The following CPEB2 variants were observed in gnomAD, a reference collection of about 807,000 sequenced individuals.
The protein encoded by CPEB2 is cytoplasmic polyadenylation element-binding protein 2.
A neutral mutation model predicts 93.6 loss-of-function variants in CPEB2; 56 were observed. That is an observed-to-expected ratio of 0.60 (90% CI 0.48 to 0.75). The LOEUF is 0.75. Ranked by LOEUF, CPEB2 falls within the 30% of genes least tolerant of loss-of-function variation. The probability of loss-of-function intolerance (pLI) is 0.00; values close to 1 mark genes in which losing one functional copy is unlikely to be tolerated. For missense variants in CPEB2, 1,579 were observed against 1,395.1 expected, an observed-to-expected ratio of 1.13 and a Z score of -2.10; for synonymous variants, 764 against 586.3, an observed-to-expected ratio of 1.30 and a Z score of -4.38.
intron 6 of CPEB2, 130 bp from the exon 7 acceptor site, chr4:15,052,284 T>TC (rs1728302393): frequency 8.9e-6 from 5 of 560,362 alleles, no homozygotes; most frequent in Non-Finnish European, 1.5e-5. Context: ...TATTTAAATT[T>TC]CTCTTAATTT....
intron 11 of CPEB2, 88 bp downstream of exon 11, chr4:15,062,348 G>C (rs1729268776): frequency 1.1e-6 from 1 of 911,904 alleles, no homozygotes; most frequent in African/African-American, 1.6e-5. Context: ...AATATAATTT[G>C]AACACTTTAA....
chr4:15,045,234 C>G (rs1727545159), intron 6 of CPEB2, among the ~76,000 whole-genome samples: 1 of 152,084 alleles, frequency 6.6e-6, no homozygotes, highest in African/African-American at 2.4e-5. Flanking sequence ...TCACTCCAGC[C>G]TGGGTTATAA....
At chr4:15,018,971 C>CAG in intron 4 of CPEB2, among the ~76,000 whole-genome samples, 1 of 134,244 alleles carries the variant, frequency 7.4e-6, no homozygotes, top group Non-Finnish European at 1.6e-5. Context: ...TATATATATA[C>CAG]ACACGCACAC....
At chr4:15,029,381 A>C (rs1308473695) in intron 4 of CPEB2, among the ~76,000 whole-genome samples, 1 of 152,084 alleles carries the variant, frequency 6.6e-6, no homozygotes, top group African/African-American at 2.4e-5. Context: ...GAATAAGAAA[A>C]TTTTTAAGAT....
chr4:15,016,867 C>T (rs2108987016), intron 3 of CPEB2, among the ~76,000 whole-genome samples: 1 of 151,990 alleles, frequency 6.6e-6, no homozygotes, highest in South Asian at 2.1e-4. Flanking sequence ...AAAATGCTTT[C>T]TGTGTGTATA....
rs115893002 is a variant in CPEB2 at position 15,017,135 on chromosome 4, C to T, written c.2035-53C>T. 963 of 1,016,932 alleles carry T rather than the reference C, an allele frequency of 9.5e-4. 6 individuals are homozygous for T. The African/African-American group carries it at 0.013, about 14-fold the overall frequency. The allele number at this position is 1,016,932 out of a possible 1,614,324, so 63.0% of individuals were successfully genotyped here. ...GAATTTAGATAGTGTTTTATAATCG[C>T]TTTTTGAAAAAACTGCATAGATTAT... On this transcript the variant is annotated intron_variant, in intron 3 of 11. Transcript: ENST00000538197.
Position 15,040,357 on chromosome 4 carries a change from G to A in CPEB2, c.2177-107G>A, listed in dbSNP as rs187672129. 4.0e-5 allele frequency: 38 copies of A among 945,308 alleles called. No homozygotes were observed. The East Asian group carries it at 9.2e-4, about 23-fold the overall frequency. 58.6% of individuals were successfully genotyped at this position (945,308 alleles called of 1,614,324 possible). The stretch of plus-strand genomic sequence containing the variant: ...TTGTCATTGCTCTTAAAACAAAGTA[G>A]CACTAATTTTCAGATGCCCACATAG... On this transcript the variant is annotated intron_variant, in intron 5 of 11. Coordinates refer to ENST00000538197, the MANE Select transcript of CPEB2 (RefSeq NM_001177382.2).
At chr4:15,058,949 C>A (rs1728953154) in intron 9 of CPEB2, among the ~76,000 whole-genome samples, 1 of 152,176 alleles carries the variant, frequency 6.6e-6, no homozygotes. Context: ...CCATCCTCCA[C>A]CACCTCCATC....
chr4:15,007,305 C>A lies in CPEB2; in HGVS notation c.1663C>A (p.Pro555Thr). 6.8e-7 allele frequency: 1 copy of A among 1,465,640 alleles called. No homozygotes were observed. The highest frequency in any genetic ancestry group is 9.1e-7 in the Non-Finnish European group (1 of 1,099,868). 90.8% of individuals were successfully genotyped at this position (1,465,640 alleles called of 1,614,324 possible). A position where few individuals can be genotyped will look rare whatever the true frequency, so the allele number is the denominator to read the frequency against. The part of the protein sequence containing the change: ...QQRNSYNHHQ[P>T]LLKQSPWSNH... ...ATTTAAATAGCTATGTTTTCCCTAG[C>A]CTCTTCTGAAACAGTCTCCCTGGAG... Residue 555 changes from proline to threonine, a missense_variant and splice_region_variant, in exon 2 of 12, where the codon CCT becomes ACT. Pro to Thr is a conservative substitution (Grantham distance 38). This residue lies in a region of CPEB2 where 1,411 missense variants were observed against 1,056.0 expected (regional missense o/e 1.34). Transcript: ENST00000538197.
chr4:15,033,020 TA>T (rs2109029275), intron 4 of CPEB2, 140 bp from the exon 5 acceptor site: 1 of 571,022 alleles, frequency 1.8e-6, no homozygotes, highest in Non-Finnish European at 3.0e-6. Context: ...TAGTTGAACA[TA>T]AGCTTTTTAG....
intron 6 of CPEB2, among the ~76,000 whole-genome samples, chr4:15,049,555 AATTAAT>A (rs1728027617): frequency 6.6e-6 from 1 of 152,184 alleles, no homozygotes; most frequent in Non-Finnish European, 1.5e-5. Flanking sequence ...AGTTATTCAC[AATTAAT>A]ATTATTTTTA....
chr4:15,036,596 G>A (rs1311282996), intron 5 of CPEB2, among the ~76,000 whole-genome samples: 1 of 152,092 alleles, frequency 6.6e-6, no homozygotes, highest in Non-Finnish European at 1.5e-5. Context: ...TCAAGTATTT[G>A]TATTAATATT....
At chr4:15,004,356 G>A (rs1264669441) in intron 1 of CPEB2, 21 bp downstream of exon 1, 6 of 1,419,090 alleles carry the variant, frequency 4.2e-6, no homozygotes, top group Admixed American at 6.6e-5. Flanking sequence ...CGGCGGCCTG[G>A]CCGCGCCGCG....
intron 6 of CPEB2, among the ~76,000 whole-genome samples, chr4:15,047,545 C>T (rs1009857222): frequency 2.6e-5 from 4 of 151,788 alleles, no homozygotes; most frequent in African/African-American, 9.7e-5. Context: ...TAAAATTTTT[C>T]CCAGTTTATT....
rs7654960 is a variant in CPEB2 at position 15,062,107 on chromosome 4, G to A, written c.2724G>A (p.Leu908=). Residue 908 remains leucine, a synonymous_variant, in exon 11 of 12, where the codon CTG becomes CTA. Coordinates refer to ENST00000538197, the MANE Select transcript of CPEB2 (RefSeq NM_001177382.2). ...AVELAMIMDR[L]YGGVCYAGID... is the part of the protein sequence containing the mutation. ...AACTTGCTATGATCATGGACCGGCT[G>A]TATGGTGGAGTTTGTTATGCAGGAA... The A allele has an allele frequency of 5.5e-3, 8,824 of 1,611,100 alleles. 409 individuals are homozygous for A. The African/African-American group carries it at 0.1, about 19-fold the overall frequency.
Position 15,003,851 on chromosome 4 carries a change from A to C in CPEB2, c.1178A>C (p.Gln393Pro). 1 of 841,580 alleles carries C rather than the reference A, an allele frequency of 1.2e-6. No individual in the cohort carries two copies. 52.1% of individuals were successfully genotyped at this position (841,580 alleles called of 1,614,324 possible). The stretch of plus-strand genomic sequence containing the variant: ...GTGCAGACCGCGTCGCCGCCACCCC[A>C]GCCCCAGCAGCCGCCGCCGACCCAG... Reference protein sequence around the residue: ...WSVQTASPPPQPQQPPPTQPQ... With the variant: ...WSVQTASPPPPPQQPPPTQPQ... Residue 393 changes from glutamine (Q) to proline (P), a missense_variant, in exon 1 of 12, where the codon CAG becomes CCG. Gln to Pro is a moderately conservative substitution (Grantham distance 76). Around this residue, in one of 2 missense-constraint regions of CPEB2, gnomAD observed 1,411 missense variants for 1,056.0 expected, o/e 1.34. Coordinates refer to ENST00000538197, the MANE Select transcript of CPEB2 (RefSeq NM_001177382.2).
At position 15,048,806 on chromosome 4, in the gene CPEB2, A is replaced by G. The variant is rs576531170; in HGVS notation, c.2201-3608A>G. ...TTGAGGTGTAAGAACCTGAAAACAT[A>G]CGTATGGTATCCTTCTTAGAAAGCA... On this transcript the variant is annotated intron_variant, in intron 6 of 11. Coordinates refer to ENST00000538197, the MANE Select transcript of CPEB2 (RefSeq NM_001177382.2). Among the ~76,000 whole-genome samples, 11 of 152,160 alleles carry G rather than the reference A, an allele frequency of 7.2e-5. No homozygotes were observed. In the South Asian group the frequency reaches 2.3e-3, roughly 32 times the overall value.
At chr4:15,061,972 G>T in intron 10 of CPEB2, 107 bp from the exon 11 acceptor site, 8 of 1,048,544 alleles carry the variant, frequency 7.6e-6, no homozygotes, top group Non-Finnish European at 9.6e-6. Context: ...TCTACTCCTG[G>T]TCAAATGATA....
At chr4:15,025,700 G>A (rs544064803) in intron 4 of CPEB2, among the ~76,000 whole-genome samples, 2 of 151,888 alleles carry the variant, frequency 1.3e-5, no homozygotes, top group Admixed American at 1.3e-4. Context: ...GTTTTTAGTT[G>A]TACCCGACTT....
Sources: allele counts gnomAD v4.1 joint callset (sites outside exome capture counted in the v4.1 genomes callset), GRCh38; gene constraint gnomAD v4.1.1; regional missense constraint gnomAD v4.1.1; transcripts MANE v1.5; gene names NCBI Gene and HGNC (gene_info 2026-07-23, HGNC 2026-07-21).